The following LRP2 variants were observed in gnomAD, a reference collection of about 807,000 sequenced individuals.
LRP2 encodes the protein low-density lipoprotein receptor-related protein 2.
In LRP2, 172 loss-of-function variants were observed where a neutral mutation model predicts 531.0. That is an observed-to-expected ratio of 0.32 (90% CI 0.29 to 0.37). The LOEUF is 0.37. Among genes scored for constraint, LRP2 ranks in the 10% least tolerant of loss-of-function variants. The pLI, the probability that LRP2 is intolerant of heterozygous loss-of-function variation, is 1.00. For missense variants in LRP2, 5,167 were observed against 5,868.3 expected, an observed-to-expected ratio of 0.88 and a Z score of 3.90; for synonymous variants, 1,992 against 2,027.6, an observed-to-expected ratio of 0.98 and a Z score of 0.47.
rs984935592 is a variant in LRP2 at position 169,206,076 on chromosome 2, A to T, written c.7503T>A (p.Thr2501=). The change falls in exon 40 of 79, where the codon ACT becomes ACA. Residue 2501 remains threonine, a synonymous_variant. Transcript: ENST00000649046. ...NSMAEDGSNR[T]VIARVPKPRA... is the part of the protein sequence containing the mutation. Reference sequence around the variant, plus strand: ...TTGGTTTTGGAACGCGGGCTATCACAGTGCGGTTAGACCCATCTTCAGCCA... The same window carrying T: ...TTGGTTTTGGAACGCGGGCTATCACTGTGCGGTTAGACCCATCTTCAGCCA... 1.2e-6 allele frequency: 2 copies of T among 1,614,234 alleles called. No homozygotes were observed. The highest frequency in any genetic ancestry group is 1.1e-5 in the South Asian group (1 of 91,084).
intron 10 of LRP2, among the ~76,000 whole-genome samples, chr2:169,282,300 T>C (rs932517557): frequency 2.6e-5 from 4 of 152,218 alleles, no homozygotes; most frequent in Admixed American, 6.5e-5. Flanking sequence ...ACAAAATGCT[T>C]TGGAGCCCTC....
chr2:169,173,148 G>A lies in LRP2; in HGVS notation c.11091C>T (p.Ala3697=), dbSNP rs907715124. 3 of 1,614,088 alleles carry A rather than the reference G, an allele frequency of 1.9e-6. No individual in the cohort carries two copies. Among genetic ancestry groups the A allele is most frequent in the East Asian group, 2.2e-5 (1 of 44,874 alleles). ...TGCAGTCATCTACACCATTGCACAC[G>A]GCCCACTTTGGGATGCAGCGGTAAT... ...KTNYRCIPKW[A]VCNGVDDCRD... is the part of the protein sequence containing the mutation. The change falls in exon 57 of 79, where the codon GCC becomes GCT. Residue 3697 remains alanine, a synonymous_variant. Transcript: ENST00000649046.
chr2:169,279,342 C>T (rs779192396), intron 12 of LRP2, 30 bp downstream of exon 12: 2 of 1,515,752 alleles, frequency 1.3e-6, no homozygotes, highest in Non-Finnish European at 9.2e-7. Context: ...TCTAAAAATA[C>T]AGGAATCAAT....
chr2:169,198,556 T>A (rs1688081408), intron 45 of LRP2, among the ~76,000 whole-genome samples: 1 of 152,102 alleles, frequency 6.6e-6, no homozygotes, highest in Admixed American at 6.6e-5. Flanking sequence ...TAGTAGCAGA[T>A]CTCTGGAAGA....
chr2:169,140,424 C>T (rs1177754895), intron 72 of LRP2, 31 bp downstream of exon 72: 2 of 1,577,044 alleles, frequency 1.3e-6, no homozygotes, highest in South Asian at 1.1e-5. Context: ...GAGGCAAGGC[C>T]TATAGCTGGG....
chr2:169,220,905 C>G (rs1191482039), intron 33 of LRP2, among the ~76,000 whole-genome samples: 2 of 152,060 alleles, frequency 1.3e-5, no homozygotes. Context: ...TTCAGGAGAG[C>G]TAAGAGAAAT....
At chr2:169,223,459 G>A (rs1689087934) in intron 33 of LRP2, among the ~76,000 whole-genome samples, 1 of 152,190 alleles carries the variant, frequency 6.6e-6, no homozygotes, top group Non-Finnish European at 1.5e-5. Flanking sequence ...GCTTTGCACT[G>A]GGTGGACTTT....
chr2:169,175,331 C>T lies in LRP2; in HGVS notation c.10630G>A (p.Glu3544Lys), dbSNP rs1381319028. The change falls in exon 55 of 79, where the codon GAA (glutamate) becomes AAA (lysine). Residue 3544 changes from glutamate (E) to lysine (K), a missense_variant. By Grantham distance (56) the Glu-to-Lys change is moderately conservative (BLOSUM62 1). Around this residue, in one of 6 missense-constraint regions of LRP2, gnomAD observed 311 missense variants for 309.4 expected, o/e 1.01. Transcript: ENST00000649046. The part of the protein sequence containing the change: ...GQKDCSDGSD[E>K]LALCPQRFCR... ...AAGCGCTGCGGGCAAAGGGCCAGTT[C>T]ATCAGAGCCATCTGAGCAGTCTTTC... The T allele has an allele frequency of 6.2e-7, 1 of 1,614,178 alleles. No individual in the cohort carries two copies. Among genetic ancestry groups the T allele is most frequent in the Non-Finnish European group, 8.5e-7 (1 of 1,180,034 alleles).
intron 4 of LRP2, among the ~76,000 whole-genome samples, chr2:169,304,275 C>T (rs1684357588): frequency 6.6e-6 from 1 of 152,112 alleles, no homozygotes; most frequent in African/African-American, 2.4e-5. Flanking sequence ...AGGACTTTCT[C>T]CTTCTGTAAA....
Position 169,128,568 on chromosome 2 carries a change from T to C in LRP2, c.*95A>G, listed in dbSNP as rs147998674. ...GGCAAACAGGGAAAAATATATTTTTTTCATAAAGTACTGAATGTTAACTTT... is the reference window on the plus strand; with the variant it reads ...GGCAAACAGGGAAAAATATATTTTTCTCATAAAGTACTGAATGTTAACTTT... On this transcript the variant is annotated 3_prime_UTR_variant, in exon 79 of 79. Transcript: ENST00000649046. 1 of 1,266,338 alleles carries C rather than the reference T, an allele frequency of 7.9e-7. No individual in the cohort carries two copies. The highest frequency in any genetic ancestry group is 1.5e-5 in the African/African-American group (1 of 67,510). The allele number at this position is 1,266,338 out of a possible 1,614,324, so 78.4% of individuals were successfully genotyped here. A position where few individuals can be genotyped will look rare whatever the true frequency, so the allele number is the denominator to read the frequency against.
At position 169,247,434 on chromosome 2, in the gene LRP2, C is replaced by T. The variant is rs375213878; in HGVS notation, c.2852G>A (p.Arg951Gln). 4.3e-6 allele frequency: 7 copies of T among 1,613,900 alleles called. No homozygotes were observed. The highest frequency in any genetic ancestry group is 2.2e-5 in the South Asian group (2 of 91,078). The change falls in exon 20 of 79, where the codon CGA becomes CAA. Residue 951 changes from arginine to glutamine, a missense_variant. Coordinates refer to ENST00000649046, the MANE Select transcript of LRP2 (RefSeq NM_004525.3). ...ATGCAGTATGTAAGCAATGCCACTT[C>T]GGATAACTGTCATTTCTCCACCATC... ...KADGGEMTVI[R>Q]SGIAYILHLK...
At chr2:169,225,588 G>C (rs1574152670) in intron 32 of LRP2, 135 bp from the exon 33 acceptor site, 4 of 996,500 alleles carry the variant, frequency 4.0e-6, no homozygotes, top group Non-Finnish European at 6.2e-6. Flanking sequence ...GGCAAACAAA[G>C]GTTCAGCACC....
intron 56 of LRP2, 84 bp from the exon 57 acceptor site, chr2:169,173,308 G>A (rs1321140588): frequency 1.3e-6 from 2 of 1,539,858 alleles, no homozygotes; most frequent in African/African-American, 1.4e-5. Context: ...GTGGTACTGA[G>A]GAATAACAAT....
At chr2:169,336,184 A>T (rs1455456179) in intron 1 of LRP2, among the ~76,000 whole-genome samples, 2 of 152,176 alleles carry the variant, frequency 1.3e-5, no homozygotes, top group Non-Finnish European at 2.9e-5. Flanking sequence ...TTAAGTTGTT[A>T]CCCTATTTCT....
intron 53 of LRP2, 23 bp from the exon 54 acceptor site, chr2:169,176,611 T>C: frequency 8.7e-6 from 14 of 1,608,156 alleles, no homozygotes; most frequent in South Asian, 1.1e-5. Flanking sequence ...GAAGAAAATA[T>C]GTGTTCATTT....
chr2:169,274,308 G>C (rs1202025086), intron 14 of LRP2, among the ~76,000 whole-genome samples: 1 of 152,130 alleles, frequency 6.6e-6, no homozygotes, highest in Non-Finnish European at 1.5e-5. Context: ...GATAGGCCAG[G>C]TGCAGTGGCT....
rs534070232 is a variant in LRP2 at position 169,309,656 on chromosome 2, A to C, written c.311-2259T>G. 2.6e-5 allele frequency among the ~76,000 whole-genome samples: 4 copies of C among 152,166 alleles called. No homozygotes were observed. In the East Asian group the frequency reaches 7.7e-4, roughly 29 times the overall value. ...GTAGTATAGTTTGAAGTCAGGTAGC[A>C]TGATGCCTCCAGCTTTGTTCTTTTG... On this transcript the variant is annotated intron_variant, in intron 3 of 78. Transcript: ENST00000649046.
intron 10 of LRP2, among the ~76,000 whole-genome samples, chr2:169,282,642 T>C (rs557663466): frequency 1.3e-4 from 20 of 152,268 alleles, no homozygotes; most frequent in African/African-American, 4.8e-4. Context: ...ATCAATCAAT[T>C]AAAAAATATT....
intron 10 of LRP2, 87 bp from the exon 11 acceptor site, chr2:169,280,606 T>C (rs1037765693): frequency 4.7e-6 from 6 of 1,280,398 alleles, no homozygotes; most frequent in Non-Finnish European, 6.7e-6. Context: ...TTCTGCTTTT[T>C]CAAATGCTAT....
Sources: allele counts gnomAD v4.1 joint callset (sites outside exome capture counted in the v4.1 genomes callset), GRCh38; gene constraint gnomAD v4.1.1; regional missense constraint gnomAD v4.1.1; transcripts MANE v1.5; gene names NCBI Gene and HGNC (gene_info 2026-07-23, HGNC 2026-07-21).